Variants in PDE10A observed in about 807,000 individuals in gnomAD.
PDE10A encodes the protein phosphodiesterase 10A.
In PDE10A, 39 loss-of-function variants were observed where a neutral mutation model predicts 97.7. The ratio of observed to expected loss-of-function variants is 0.40; its 90% CI spans 0.31 to 0.52. The LOEUF is 0.52. Ranked by LOEUF, PDE10A falls within the 20% of genes least tolerant of loss-of-function variation. PDE10A has a pLI of 0.56. For synonymous variants in PDE10A, 371 were observed against 376.8 expected (o/e 0.98, Z 0.18); for missense variants, 731 against 1,047.8 (o/e 0.70, Z 4.17).
chr6:165,867,563 C>A (rs1427833582), intron 1 of PDE10A, among the ~76,000 whole-genome samples: 4 of 151,958 alleles, frequency 2.6e-5, no homozygotes, highest in Non-Finnish European at 4.4e-5. Flanking sequence ...GAGAAGTAGA[C>A]CCCAATACAA....
intron 1 of PDE10A, among the ~76,000 whole-genome samples, chr6:165,766,873 G>A (rs975447559): frequency 6.6e-6 from 1 of 152,176 alleles, no homozygotes; most frequent in African/African-American, 2.4e-5. Flanking sequence ...AAAATCCTAG[G>A]TGGCACAGAG....
chr6:165,961,943 G>A (rs1372442310), intron 1 of PDE10A, among the ~76,000 whole-genome samples: 1 of 152,206 alleles, frequency 6.6e-6, no homozygotes, highest in Non-Finnish European at 1.5e-5. Flanking sequence ...CGTGACTTTT[G>A]TGGAGCATTA....
At chr6:165,355,809 A>G (rs1304820887) in intron 18 of PDE10A, among the ~76,000 whole-genome samples, 1 of 152,194 alleles carries the variant, frequency 6.6e-6, no homozygotes, top group Non-Finnish European at 1.5e-5. Context: ...TGTTTTCTAA[A>G]GCAGCTGTAC....
chr6:165,564,994 A>G (rs1784705767), intron 1 of PDE10A, among the ~76,000 whole-genome samples: 1 of 152,200 alleles, frequency 6.6e-6, no homozygotes, highest in African/African-American at 2.4e-5. Flanking sequence ...TGTCTATAAA[A>G]GATGCAATTT....
At chr6:165,384,363 G>C (rs1031003981) in intron 17 of PDE10A, among the ~76,000 whole-genome samples, 1 of 152,018 alleles carries the variant, frequency 6.6e-6, no homozygotes, top group African/African-American at 2.4e-5. Context: ...CACAGCGACG[G>C]GCCCCAAACA....
At chr6:165,484,997 G>T (rs1300128253) in intron 2 of PDE10A, among the ~76,000 whole-genome samples, 1 of 152,158 alleles carries the variant, frequency 6.6e-6, no homozygotes, top group Non-Finnish European at 1.5e-5. Flanking sequence ...CTCCAAGACT[G>T]CCAATGAAAA....
chr6:165,796,863 C>A (rs1211206792), intron 1 of PDE10A, among the ~76,000 whole-genome samples: 1 of 152,176 alleles, frequency 6.6e-6, no homozygotes, highest in Non-Finnish European at 1.5e-5. Flanking sequence ...GGGAAGACAG[C>A]AGGGCAATTC....
Position 165,413,079 on chromosome 6 carries a change from T to C in PDE10A, c.2076+422A>G, listed in dbSNP as rs577280496. 8.5e-4 allele frequency among the ~76,000 whole-genome samples: 130 copies of C among 152,118 alleles called. 1 individual carries two copies. The highest frequency in any genetic ancestry group is 1.6e-3 in the Non-Finnish European group (106 of 67,994). ...GGACAACCTGGTGCCTCACTTTTTG[T>C]CACAAACAGAACTTTCCTGGTGGGT... On this transcript the variant is annotated intron_variant, in intron 13 of 21. Transcript: ENST00000539869.
chr6:165,409,185 A>G (rs552735454), intron 13 of PDE10A, among the ~76,000 whole-genome samples: 2 of 151,544 alleles, frequency 1.3e-5, no homozygotes, highest in East Asian at 3.9e-4. Flanking sequence ...AAAAAAAAGA[A>G]AAAAGGTAAT....
chr6:165,826,780 G>C (rs1217135416), intron 1 of PDE10A, among the ~76,000 whole-genome samples: 3 of 106,930 alleles, frequency 2.8e-5, no homozygotes, highest in Non-Finnish European at 6.6e-5. Flanking sequence ...CGGTTGGGAG[G>C]GGGGACGCAC....
intron 1 of PDE10A, among the ~76,000 whole-genome samples, chr6:165,864,099 C>T (rs1780977481): frequency 6.6e-6 from 1 of 152,076 alleles, no homozygotes. Context: ...CCACTAAAGA[C>T]ACCTCATTGT....
intron 1 of PDE10A, among the ~76,000 whole-genome samples, chr6:165,647,555 A>G (rs570672002): frequency 5.4e-4 from 82 of 152,290 alleles, no homozygotes; most frequent in African/African-American, 1.9e-3. Flanking sequence ...TCTTTTTCCA[A>G]AAATTCTTCC....
Position 165,797,175 on chromosome 6 carries a change from G to A in PDE10A, c.-615+190354C>T, listed in dbSNP as rs565743528. On this transcript the variant is annotated intron_variant, in intron 1 of 19. Coordinates refer to the PDE10A transcript ENST00000366882. Reference sequence around the variant, plus strand: ...ACGTGTTGAGCAAGGACACTCCACAGTGTTTCTGTGTGGCTCATGGTGTCT... The same window carrying A: ...ACGTGTTGAGCAAGGACACTCCACAATGTTTCTGTGTGGCTCATGGTGTCT... Among the ~76,000 whole-genome samples the A allele has an allele frequency of 4.6e-5, 7 of 152,276 alleles. No individual in the cohort carries two copies. The South Asian group carries it at 6.2e-4, about 14-fold the overall frequency.
intron 1 of PDE10A, among the ~76,000 whole-genome samples, chr6:165,739,457 C>T (rs1792663414): frequency 6.6e-6 from 1 of 152,120 alleles, no homozygotes; most frequent in African/African-American, 2.4e-5. Context: ...TGAAATTGGA[C>T]CATTGCCTCA....
At chr6:165,608,635 G>A (rs940515714) in intron 1 of PDE10A, among the ~76,000 whole-genome samples, 66 of 152,204 alleles carry the variant, frequency 4.3e-4, no homozygotes, top group Admixed American at 2.7e-3. Flanking sequence ...CCAGTAATGG[G>A]ATGGCTGGGT....
intron 13 of PDE10A, among the ~76,000 whole-genome samples, chr6:165,397,572 G>A (rs1786265478): frequency 6.6e-6 from 1 of 151,830 alleles, no homozygotes; most frequent in Non-Finnish European, 1.5e-5. Context: ...TCAGCTGGGT[G>A]CACGCCTGTA....
rs972217760 is a variant in PDE10A at position 165,671,735 on chromosome 6, A to T, written c.-614-128167T>A. On this transcript the variant is annotated intron_variant, in intron 1 of 19. Coordinates refer to the PDE10A transcript ENST00000366882. This position sits in a 1 kb window ranked among gnomAD's most constrained non-coding sequence, Gnocchi z 4.6. ...ACATATATATAGTGTGCTTTATATCATATATATGTGTGTGTTTACATATAT... is the reference window on the plus strand; with the variant it reads ...ACATATATATAGTGTGCTTTATATCTTATATATGTGTGTGTTTACATATAT... Among the ~76,000 whole-genome samples, 2 of 152,132 alleles carry T rather than the reference A, an allele frequency of 1.3e-5. No homozygotes were observed. The highest frequency in any genetic ancestry group is 4.8e-5 in the African/African-American group (2 of 41,418).
At chr6:165,765,605 A>G (rs1013046015) in intron 1 of PDE10A, among the ~76,000 whole-genome samples, 2 of 152,128 alleles carry the variant, frequency 1.3e-5, no homozygotes, top group Admixed American at 1.3e-4. Flanking sequence ...GCCCACGCCC[A>G]CCTGGAACTC....
chr6:165,386,994 C>A (rs893202023), intron 17 of PDE10A, among the ~76,000 whole-genome samples: 1 of 151,738 alleles, frequency 6.6e-6, no homozygotes, highest in East Asian at 1.9e-4. Context: ...CCAGCCTGGG[C>A]GACACAGCGA....
Sources: gnomAD v4.1 joint callset for allele counts (sites outside exome capture counted in the v4.1 genomes callset) on GRCh38, gnomAD v4.1.1 for gene constraint, Gnocchi (gnomAD v3.1) non-coding constraint, MANE v1.5 for transcripts, NCBI Gene and HGNC (gene_info 2026-07-23, HGNC 2026-07-21) for gene names.